Variants in CA5B observed in about 807,000 individuals in gnomAD.
The protein encoded by CA5B is carbonic anhydrase 5B, mitochondrial.
CA5B carries 15 observed loss-of-function variants against 23.1 expected under a neutral mutation model. The observed-to-expected ratio is 0.65, with a 90% CI of 0.43 to 1.00. The LOEUF (loss-of-function observed/expected upper bound fraction) is 1.00, where lower values mean the gene tolerates loss of function less well. Ranked by LOEUF, CA5B falls within the 50% of genes least tolerant of loss-of-function variation. The pLI is 0.00. For synonymous variants in CA5B, 84 were observed against 98.5 expected (o/e 0.85, Z 0.87); for missense variants, 236 against 252.2 (o/e 0.94, Z 0.43).
chrX:15,762,023 T>G (rs1931612187), intron 2 of CA5B, among the ~76,000 whole-genome samples: 1 of 111,756 alleles, frequency 8.9e-6, no homozygotes, highest in African/African-American at 3.3e-5. Flanking sequence ...ATCCCAGCAC[T>G]TTGGGAGGCT....
intron 1 of CA5B, among the ~76,000 whole-genome samples, chrX:15,742,960 C>G (rs751839855): frequency 8.9e-6 from 1 of 112,455 alleles, no homozygotes; most frequent in Admixed American, 9.4e-5. Context: ...CAAGAGTCAT[C>G]TGATCAAAAA....
chrX:15,746,238 G>A (rs1931230936), intron 1 of CA5B, among the ~76,000 whole-genome samples: 1 of 109,188 alleles, frequency 9.2e-6, no homozygotes, highest in African/African-American at 3.3e-5. Context: ...GTAGAGATGG[G>A]GTTTCGCCAT....
At chrX:15,772,383 G>A (rs1046977909) in intron 3 of CA5B, 113 bp from the exon 4 acceptor site, 2 of 467,394 alleles carry the variant, frequency 4.3e-6, no homozygotes, top group African/African-American at 4.8e-5. Flanking sequence ...ATAATTCAGT[G>A]TAATCCATTT....
intron 7 of CA5B, among the ~76,000 whole-genome samples, chrX:15,778,052 A>G (rs773911899): frequency 5.4e-5 from 6 of 112,147 alleles, no homozygotes; most frequent in African/African-American, 1.9e-4. Flanking sequence ...CATTTGACAT[A>G]TATAAATCAC....
chrX:15,741,539 G>A (rs1377105579), intron 1 of CA5B, among the ~76,000 whole-genome samples: 3 of 109,739 alleles, frequency 2.7e-5, no homozygotes, highest in Non-Finnish European at 5.7e-5. Context: ...GAGTGCAGTG[G>A]CACGATCTCA....
chrX:15,743,492 A>G (rs573616481), intron 1 of CA5B, among the ~76,000 whole-genome samples: 5 of 112,189 alleles, frequency 4.5e-5, no homozygotes, highest in Non-Finnish European at 7.5e-5. Context: ...ACCATGTTTC[A>G]TACTTAATAG....
chrX:15,763,181 T>G (rs988051534), intron 2 of CA5B: 3 of 134,901 alleles, frequency 2.2e-5, no homozygotes, highest in Non-Finnish European at 2.9e-5. Context: ...CACAGTTATG[T>G]GGGGCGAGCA....
chrX:15,767,563 G>A (rs1021385145), intron 3 of CA5B, among the ~76,000 whole-genome samples: 1 of 108,112 alleles, frequency 9.2e-6, no homozygotes, highest in Admixed American at 9.9e-5. Flanking sequence ...CACCACGCTC[G>A]GCTAATTTTT....
At chrX:15,756,929 C>T (rs1442136760) in intron 2 of CA5B, among the ~76,000 whole-genome samples, 1 of 107,069 alleles carries the variant, frequency 9.3e-6, no homozygotes, top group East Asian at 3.0e-4. Context: ...TGGCGGGCAC[C>T]TGTAAGTCCC....
chrX:15,760,044 G>A (rs1261472134), intron 2 of CA5B, among the ~76,000 whole-genome samples: 2 of 110,281 alleles, frequency 1.8e-5, no homozygotes, highest in Middle Eastern at 4.2e-3. Flanking sequence ...ATGAGCCACC[G>A]CACCCGGCCA....
intron 4 of CA5B, among the ~76,000 whole-genome samples, chrX:15,773,360 T>G (rs1026389326): frequency 9.5e-6 from 1 of 105,572 alleles, no homozygotes; most frequent in African/African-American, 3.5e-5. Context: ...TAAGCAATCC[T>G]CCCACCTCAA....
In CA5B at chrX:15,773,088, G is replaced by C. The variant is rs973872802; in HGVS notation, c.459+474G>C. 3.6e-5 allele frequency among the ~76,000 whole-genome samples: 4 copies of C among 111,409 alleles called. No homozygotes were observed. In the Admixed American group the frequency reaches 3.8e-4, roughly 11 times the overall value. On this transcript the variant is annotated intron_variant, in intron 4 of 7. Transcript: ENST00000318636. ...CGACTTTGTGGTGTCTCACTTGGGA[G>C]GCTGGGTGATAATGCACTCATAACT...
At chrX:15,761,516 T>C (rs955362074) in intron 2 of CA5B, among the ~76,000 whole-genome samples, 2 of 112,807 alleles carry the variant, frequency 1.8e-5, no homozygotes, top group African/African-American at 6.4e-5. Context: ...TTAAAGTTCT[T>C]GTTCTTCACA....
intron 6 of CA5B, chrX:15,775,897 A>G: frequency 1.5e-5 from 11 of 737,691 alleles, no homozygotes; most frequent in Non-Finnish European, 1.7e-5. Context: ...CCCATCCCCC[A>G]CTCTGACCTT....
intron 3 of CA5B, among the ~76,000 whole-genome samples, chrX:15,768,228 G>A (rs1931751483): frequency 9.1e-6 from 1 of 110,138 alleles, no homozygotes; most frequent in Non-Finnish European, 1.9e-5. Flanking sequence ...TGTAGAGATG[G>A]GGTTCCTGAG....
chrX:15,774,135 T>A, intron 4 of CA5B, 167 bp from the exon 5 acceptor site: 3 of 459,666 alleles, frequency 6.5e-6, no homozygotes, highest in African/African-American at 2.5e-5. Flanking sequence ...CTAAATTTCT[T>A]CCTGATCTTT....
rs1356765672 is a variant in CA5B at position 15,788,374 on chromosome X, TACTC to T, written c.*5712_*5715del. 1 of 112,085 alleles carries T rather than the reference TACTC, an allele frequency of 8.9e-6. No homozygotes were observed. Among genetic ancestry groups the T allele is most frequent in the Non-Finnish European group, 1.9e-5 (1 of 53,288 alleles). The allele number at this position is 112,085 out of a possible 1,213,427, so 9.2% of individuals were successfully genotyped here. On this transcript the variant is annotated 3_prime_UTR_variant, in exon 8 of 8. Transcript: ENST00000318636. ...TATCAGCATATAACATGGCTTATCT[TACTC>T]AGTTTTCACAATAAAAGGGTTATGA... is the stretch of plus-strand genomic sequence containing the variant.
intron 3 of CA5B, among the ~76,000 whole-genome samples, chrX:15,771,515 C>T (rs1454201805): frequency 1.8e-5 from 2 of 109,915 alleles, no homozygotes; most frequent in Non-Finnish European, 3.8e-5. Flanking sequence ...CAACCTCCGC[C>T]TCCTGGGTTC....
At chrX:15,772,463 C>T (rs750684725) in intron 3 of CA5B, 33 bp from the exon 4 acceptor site, 12 of 1,011,463 alleles carry the variant, frequency 1.2e-5, no homozygotes, top group Non-Finnish European at 1.7e-5. Flanking sequence ...GCACAAATAA[C>T]TCTTCCCTGA....
Sources: gnomAD v4.1 joint callset for allele counts (sites outside exome capture counted in the v4.1 genomes callset) on GRCh38, gnomAD v4.1.1 for gene constraint, MANE v1.5 for transcripts, NCBI Gene and HGNC (gene_info 2026-07-23, HGNC 2026-07-21) for gene names.